The following SPRR2G variants were observed in gnomAD, a reference collection of about 807,000 sequenced individuals.
SPRR2G encodes the protein small proline-rich protein 2G.
Under a neutral mutation model 0.7 loss-of-function variants are expected in SPRR2G, and 1 was observed. That is an observed-to-expected ratio of 1.49 (90% CI 0.53 to 7.06). SPRR2G has a LOEUF of 7.06. SPRR2G is among the 30% of genes most tolerant of loss of function. The probability of loss-of-function intolerance (pLI) is 0.14; values close to 1 mark genes in which losing one functional copy is unlikely to be tolerated. For synonymous variants in SPRR2G, 38 were observed against 33.9 expected, an observed-to-expected ratio of 1.12 and a Z score of -0.42; for missense variants, 96 against 88.5, an observed-to-expected ratio of 1.09 and a Z score of -0.34.
the SPRR2G span, among the ~76,000 whole-genome samples, chr1:153,156,697 C>A: frequency 6.6e-6 from 1 of 151,664 alleles, no homozygotes; most frequent in African/African-American, 2.4e-5. Context: ...TAAAATAATA[C>A]CAGAAAGCCT....
the SPRR2G span, among the ~76,000 whole-genome samples, chr1:153,200,688 G>A: frequency 6.9e-6 from 1 of 145,862 alleles, no homozygotes; most frequent in Non-Finnish European, 1.5e-5. Context: ...GCAAGTAAAG[G>A]ATGAAAGCAG....
chr1:153,186,201 G>A, the SPRR2G span, among the ~76,000 whole-genome samples: 10 of 152,178 alleles, frequency 6.6e-5, no homozygotes, highest in Non-Finnish European at 1.3e-4. Flanking sequence ...TTGATTTGGG[G>A]TGAAGAGTTC....
chr1:153,155,391 C>A (rs1438387334), upstream of SPRR2G, among the ~76,000 whole-genome samples: 1 of 152,124 alleles, frequency 6.6e-6, no homozygotes, highest in African/African-American at 2.4e-5. Context: ...TGCTACTTAT[C>A]TAAACTCCTC....
the SPRR2G span, among the ~76,000 whole-genome samples, chr1:153,172,586 G>C: frequency 3.9e-5 from 6 of 152,158 alleles, no homozygotes; most frequent in Middle Eastern, 0.014. Flanking sequence ...AACCTTGCTA[G>C]TCACTCAATA....
chr1:153,180,079 TTAAAG>T, the SPRR2G span, among the ~76,000 whole-genome samples: 173 of 152,260 alleles, frequency 1.1e-3, no homozygotes, highest in African/African-American at 3.9e-3. Flanking sequence ...TTCCTTCCCT[TTAAAG>T]TAACCTTTTA....
the SPRR2G span, among the ~76,000 whole-genome samples, chr1:153,202,743 T>A: frequency 6.6e-6 from 1 of 152,228 alleles, no homozygotes; most frequent in African/African-American, 2.4e-5. Context: ...CATGTCACAA[T>A]TTTAATCAAA....
the SPRR2G span, among the ~76,000 whole-genome samples, chr1:153,193,109 C>T: frequency 6.6e-6 from 1 of 152,084 alleles, no homozygotes. Flanking sequence ...GCTTTTCTTA[C>T]ATCCAATAAG....
At chr1:153,178,854 T>C in the SPRR2G span, among the ~76,000 whole-genome samples, 1 of 152,180 alleles carries the variant, frequency 6.6e-6, no homozygotes, top group East Asian at 1.9e-4. Context: ...ATTGAAATTT[T>C]TATTTCTTAA....
At chr1:153,171,903 C>A in the SPRR2G span, among the ~76,000 whole-genome samples, 4 of 152,196 alleles carry the variant, frequency 2.6e-5, no homozygotes, top group Non-Finnish European at 5.9e-5. Context: ...CTGCCCTCCC[C>A]TCCCATGCCC....
chr1:153,177,024 G>T, the SPRR2G span, among the ~76,000 whole-genome samples: 4 of 152,084 alleles, frequency 2.6e-5, no homozygotes, highest in Non-Finnish European at 4.4e-5. Context: ...CTCACCATAG[G>T]TTAGTTTTCC....
At chr1:153,199,176 G>A in the SPRR2G span, among the ~76,000 whole-genome samples, 1 of 152,192 alleles carries the variant, frequency 6.6e-6, no homozygotes, top group Non-Finnish European at 1.5e-5. Context: ...AGTGAAAGGG[G>A]AGGATGTATA....
the SPRR2G span, among the ~76,000 whole-genome samples, chr1:153,199,012 A>G: frequency 1.2e-4 from 19 of 152,180 alleles, no homozygotes; most frequent in Admixed American, 1.2e-3. Flanking sequence ...AAAATATAGG[A>G]CACAACTGTA....
At chr1:153,182,373 CTT>C in the SPRR2G span, among the ~76,000 whole-genome samples, 1 of 138,612 alleles carries the variant, frequency 7.2e-6, no homozygotes. Flanking sequence ...TTTGTCATGA[CTT>C]TTTTTTTTTA....
At chr1:153,203,162 G>A in the SPRR2G span, among the ~76,000 whole-genome samples, 1 of 152,122 alleles carries the variant, frequency 6.6e-6, no homozygotes, top group African/African-American at 2.4e-5. Flanking sequence ...TGTCAACAGT[G>A]GGCCAGCTTT....
At chr1:153,184,000 G>A in the SPRR2G span, among the ~76,000 whole-genome samples, 30 of 152,150 alleles carry the variant, frequency 2.0e-4, no homozygotes, top group South Asian at 4.2e-4. Flanking sequence ...GCTTGTTTTC[G>A]TCAGGTTTGT....
the SPRR2G span, among the ~76,000 whole-genome samples, chr1:153,201,130 C>G: frequency 3.3e-5 from 5 of 152,212 alleles, no homozygotes; most frequent in Admixed American, 2.0e-4. Context: ...CCTAAGAAGC[C>G]TGTTCTGTGT....
chr1:153,169,205 C>A, the SPRR2G span, among the ~76,000 whole-genome samples: 5 of 152,080 alleles, frequency 3.3e-5, no homozygotes, highest in Non-Finnish European at 1.5e-5. Context: ...TTTCAACCAA[C>A]CTTGTGACTA....
the SPRR2G span, among the ~76,000 whole-genome samples, chr1:153,181,876 T>C: frequency 0.021 from 3,221 of 152,222 alleles, 249 homozygotes; most frequent in Admixed American, 0.15. Context: ...AGTGCTGCAG[T>C]AAACATTAGG....
At chr1:153,163,027 T>C in the SPRR2G span, among the ~76,000 whole-genome samples, 4 of 152,166 alleles carry the variant, frequency 2.6e-5, no homozygotes, top group South Asian at 8.3e-4. Flanking sequence ...GAAACAAAAC[T>C]GGCTTTTAAC....
Sources: allele counts gnomAD v4.1 joint callset (sites outside exome capture counted in the v4.1 genomes callset), GRCh38; gene constraint gnomAD v4.1.1; transcripts MANE v1.5; gene names NCBI Gene and HGNC (gene_info 2026-07-23, HGNC 2026-07-21).